Variants in CEP120 observed in about 807,000 individuals in gnomAD.
CEP120 encodes the protein centrosomal protein of 120 kDa.
In CEP120, 113 loss-of-function variants were observed where a neutral mutation model predicts 126.5. That is an observed-to-expected ratio of 0.89 (90% confidence interval 0.77 to 1.04). CEP120 has a LOEUF of 1.04. CEP120 is among the 50% of genes least tolerant of loss of function. The pLI, the probability that CEP120 is intolerant of heterozygous loss-of-function variation, is 0.00. For synonymous variants in CEP120, 400 were observed against 394.3 expected, an observed-to-expected ratio of 1.01 and a Z score of -0.17; for missense variants, 1,230 against 1,155.7, an observed-to-expected ratio of 1.06 and a Z score of -0.93.
intron 19 of CEP120, among the ~76,000 whole-genome samples, chr5:123,347,171 ATAC>A (rs1768885252): frequency 6.6e-6 from 1 of 152,168 alleles, no homozygotes; most frequent in Non-Finnish European, 1.5e-5. Context: ...GCAATTCTGT[ATAC>A]TACTTTTCTC....
rs1164237779 is a variant in CEP120 at position 123,401,361 on chromosome 5, T to C, written c.464-2077A>G. ...GCAATGGCGGCCTCCAGGAAAGCCCTCTGGCCTTTGAGGCCCTCATTCTCA... is the reference window on the plus strand; with the variant it reads ...GCAATGGCGGCCTCCAGGAAAGCCCCCTGGCCTTTGAGGCCCTCATTCTCA... On this transcript the variant is annotated intron_variant, in intron 4 of 19. Transcript: ENST00000306467. 13 of 1,573,694 alleles carry C rather than the reference T, an allele frequency of 8.3e-6. No homozygotes were observed. The East Asian group carries it at 2.0e-4, about 24-fold the overall frequency.
intron 17 of CEP120, among the ~76,000 whole-genome samples, chr5:123,368,685 G>A (rs1449918924): frequency 6.6e-6 from 1 of 151,906 alleles, no homozygotes; most frequent in Non-Finnish European, 1.5e-5. Context: ...ATATCTTGAA[G>A]ACTGACTTCC....
At chr5:123,390,927 T>G (rs1772350908) in intron 7 of CEP120, 183 bp downstream of exon 7, 1 of 557,450 alleles carries the variant, frequency 1.8e-6, no homozygotes, top group Admixed American at 3.4e-5. Context: ...CTGGGTAGAA[T>G]CACTTATAAA....
At chr5:123,395,387 T>G (rs1337804466) in intron 5 of CEP120, among the ~76,000 whole-genome samples, 2 of 152,182 alleles carry the variant, frequency 1.3e-5, no homozygotes. Flanking sequence ...TGTAAATCTG[T>G]TTATTGCTAG....
At position 123,391,239 on chromosome 5, in the gene CEP120, G is replaced by A; in HGVS notation, c.909C>T (p.Val303=). ...KGSTEINQHP[V]TVEGAFTLDP... is the part of the protein sequence containing the mutation. ...CAAGGGTAAAAGCACCTTCGACTGT[G>A]ACTGGGTGCTGGTTGATTTCTGTAC... is the stretch of plus-strand genomic sequence containing the variant. Residue 303 remains valine, a synonymous_variant, in exon 7 of 20, where the codon GTC becomes GTT. Transcript: ENST00000306467. The A allele has an allele frequency of 6.2e-7, 1 of 1,614,116 alleles. No homozygotes were observed. The highest frequency in any genetic ancestry group is 8.5e-7 in the Non-Finnish European group (1 of 1,179,986).
chr5:123,380,134 T>A (rs1232903567), intron 14 of CEP120, among the ~76,000 whole-genome samples: 2 of 152,140 alleles, frequency 1.3e-5, no homozygotes, highest in Non-Finnish European at 2.9e-5. Flanking sequence ...GGCTCACATA[T>A]AATTGACATT....
chr5:123,401,588 C>T (rs753493549), intron 4 of CEP120: 145 of 1,405,440 alleles, frequency 1.0e-4, no homozygotes, highest in Admixed American at 1.3e-4. Context: ...GTCCAGGGAG[C>T]GGCTGTTGTC....
rs1772367993 is a variant in CEP120 at position 123,391,145 on chromosome 5, A to T, written c.1003T>A (p.Ser335Thr). The T allele has an allele frequency of 6.2e-7, 1 of 1,614,118 alleles. No individual in the cohort carries two copies. ...PVELAPTVGV[S>T]VALQREGIDS... ...ATGCCTTCTCTCTGCAGAGCCACAG[A>T]CACTCCCACAGTTGGGGCTAGCTCC... is the stretch of plus-strand genomic sequence containing the variant. The change falls in exon 7 of 20, where the codon TCT (serine) becomes ACT (threonine). Residue 335 changes from serine to threonine, a missense_variant. Coordinates refer to ENST00000306467, the MANE Select transcript of CEP120 (RefSeq NM_001375405.1).
chr5:123,399,462 T>C (rs556531135), intron 4 of CEP120, among the ~76,000 whole-genome samples, 178 bp from the exon 5 acceptor site: 7 of 152,360 alleles, frequency 4.6e-5, no homozygotes, highest in East Asian at 1.9e-4. Flanking sequence ...TTAACCAGCA[T>C]TGTCTTTCTG....
At chr5:123,381,398 A>G (rs578077919) in intron 14 of CEP120, among the ~76,000 whole-genome samples, 2 of 139,194 alleles carry the variant, frequency 1.4e-5, no homozygotes, top group East Asian at 4.3e-4. Flanking sequence ...AGCCCTGTAG[A>G]GCCATCCCCT....
intron 14 of CEP120, among the ~76,000 whole-genome samples, chr5:123,379,656 T>A (rs1771504758): frequency 6.6e-6 from 1 of 152,110 alleles, no homozygotes. Flanking sequence ...CTACAGTATC[T>A]AGTCTAAACT....
chr5:123,399,041 A>T, intron 5 of CEP120, 95 bp downstream of exon 5: 2 of 897,866 alleles, frequency 2.2e-6, no homozygotes, highest in Non-Finnish European at 3.1e-6. Context: ...AAAAAAAAAA[A>T]GTCTACTTGC....
chr5:123,421,407 C>T (rs1283649505), intron 1 of CEP120, among the ~76,000 whole-genome samples: 1 of 152,202 alleles, frequency 6.6e-6, no homozygotes, highest in East Asian at 1.9e-4. Flanking sequence ...AATATTAACA[C>T]ACATCGCACA....
chr5:123,393,331 C>G lies in CEP120; in HGVS notation c.779G>C (p.Arg260Pro), dbSNP rs189429890. The G allele has an allele frequency of 1.2e-6, 2 of 1,614,146 alleles. No homozygotes were observed. The highest frequency in any genetic ancestry group is 1.7e-6 in the Non-Finnish European group (2 of 1,180,012). Residue 260 changes from arginine to proline, a missense_variant, in exon 6 of 20, where the codon CGT becomes CCT. Coordinates refer to ENST00000306467, the MANE Select transcript of CEP120 (RefSeq NM_001375405.1). ...VRIRSSVEIL[R>P]VYLALQSKLQ... is the part of the protein sequence containing the mutation. ...TTTAGACTGAAGAGCCAGGTAAACA[C>G]GAAGAATTTCTACACTGCTACGGAT...
At chr5:123,375,024 C>T (rs1260484860) in intron 16 of CEP120, among the ~76,000 whole-genome samples, 2 of 152,026 alleles carry the variant, frequency 1.3e-5, no homozygotes, top group Admixed American at 6.6e-5. Context: ...TGTAACTGTC[C>T]CTTCTACCAG....
At chr5:123,370,907 C>T (rs1403937295) in intron 17 of CEP120, among the ~76,000 whole-genome samples, 1 of 151,626 alleles carries the variant, frequency 6.6e-6, no homozygotes, top group Non-Finnish European at 1.5e-5. Context: ...TACCCAGTCC[C>T]CAATGTTACT....
intron 18 of CEP120, among the ~76,000 whole-genome samples, chr5:123,357,118 T>C (rs1769692394): frequency 6.6e-6 from 1 of 152,124 alleles, no homozygotes; most frequent in Non-Finnish European, 1.5e-5. Flanking sequence ...TCTTACAAAT[T>C]TCTTTATTTT....
chr5:123,411,061 G>A (rs1415568214), intron 4 of CEP120, among the ~76,000 whole-genome samples: 2 of 152,158 alleles, frequency 1.3e-5, no homozygotes, highest in Non-Finnish European at 2.9e-5. Context: ...ACACATGGTA[G>A]GTAAGCATAT....
chr5:123,412,372 G>C, intron 4 of CEP120, 27 bp downstream of exon 4: 1 of 1,581,762 alleles, frequency 6.3e-7, no homozygotes, highest in Admixed American at 1.9e-5. Context: ...ACTTCTCAGA[G>C]AATGTTTTTA....
Sources: allele counts gnomAD v4.1 joint callset (sites outside exome capture counted in the v4.1 genomes callset), GRCh38; gene constraint gnomAD v4.1.1; transcripts MANE v1.5; gene names NCBI Gene and HGNC (gene_info 2026-07-23, HGNC 2026-07-21).